DNAH12: variants seen among roughly 807,000 people sequenced by gnomAD.
DNAH12 encodes the protein axonemal beta dynein heavy chain 12.
Under a neutral mutation model 371.5 loss-of-function variants are expected in DNAH12, and 285 were observed. The ratio of observed to expected loss-of-function variants is 0.77; its 90% CI spans 0.70 to 0.85. The LOEUF (loss-of-function observed/expected upper bound fraction) is 0.85, where lower values mean the gene tolerates loss of function less well. Among genes scored for constraint, DNAH12 ranks in the 40% least tolerant of loss-of-function variants. DNAH12 has a pLI of 0.00. For missense variants in DNAH12, 3,611 were observed against 3,689.4 expected, an observed-to-expected ratio of 0.98 and a Z score of 0.55; for synonymous variants, 1,200 against 1,213.0, an observed-to-expected ratio of 0.99 and a Z score of 0.22.
intron 43 of DNAH12, among the ~76,000 whole-genome samples, chr3:57,394,885 A>T (rs1049741114): frequency 1.1e-3 from 170 of 152,320 alleles, no homozygotes; most frequent in African/African-American, 4.0e-3. Context: ...ACTGCAACCC[A>T]AATTCCTAAT....
In DNAH12 at chr3:57,364,063, T is replaced by C. The variant is rs2062995250; in HGVS notation, c.9168-277A>G. Reference sequence around the variant, plus strand: ...ATAGCTGGTATGCAAGAGTAAGAACTGGAGAAGAAACTCAAAGTATGAACT... The same window carrying C: ...ATAGCTGGTATGCAAGAGTAAGAACCGGAGAAGAAACTCAAAGTATGAACT... On this transcript the variant is annotated intron_variant, in intron 57 of 73. Transcript: ENST00000495027. Among the ~76,000 whole-genome samples the C allele has an allele frequency of 1.3e-5, 2 of 152,170 alleles. 1 individual carries two copies. The highest frequency in any genetic ancestry group is 4.1e-4 in the South Asian group (2 of 4,830).
intron 42 of DNAH12, among the ~76,000 whole-genome samples, chr3:57,404,362 T>C (rs1484221910): frequency 1.3e-5 from 2 of 152,086 alleles, no homozygotes; most frequent in African/African-American, 4.8e-5. Context: ...TTTTAAAATA[T>C]GCAAAATAAG....
At chr3:57,294,938 T>C (rs1195277204) in intron 73 of DNAH12, among the ~76,000 whole-genome samples, 2 of 152,226 alleles carry the variant, frequency 1.3e-5, no homozygotes, top group East Asian at 1.9e-4. Context: ...AAATTGTTGT[T>C]ATTTAAGAAT....
intron 2 of DNAH12, among the ~76,000 whole-genome samples, chr3:57,527,359 A>T (rs974448847): frequency 9.2e-5 from 14 of 152,328 alleles, no homozygotes; most frequent in East Asian, 3.9e-4. Context: ...GAAATTTTTT[A>T]AAAAGAGAGA....
Position 57,468,723 on chromosome 3 carries a change from T to A in DNAH12, c.2349+13A>T. On this transcript the variant is annotated intron_variant, in intron 17 of 73. Transcript: ENST00000495027. ...TAGCTATAATATTAAAATGTTATTA[T>A]ATATATTTATACCTTAAAAGCTTTT... 7.5e-7 allele frequency: 1 copy of A among 1,331,144 alleles called. No individual in the cohort carries two copies. 82.5% of individuals were successfully genotyped at this position (1,331,144 alleles called of 1,614,324 possible). A position where few individuals can be genotyped will look rare whatever the true frequency, so the allele number is the denominator to read the frequency against.
At chr3:57,402,749 G>T (rs1553679378) in intron 43 of DNAH12, among the ~76,000 whole-genome samples, 1 of 152,144 alleles carries the variant, frequency 6.6e-6, no homozygotes, top group Non-Finnish European at 1.5e-5. Context: ...GTTAGAAGAA[G>T]TTCCAGTGTT....
At chr3:57,480,190 G>A (rs36148259) in intron 13 of DNAH12, among the ~76,000 whole-genome samples, 63,809 of 151,110 alleles carry the variant, frequency 0.42, 14,962 homozygotes, top group South Asian at 0.58. Context: ...TAATAAAGAA[G>A]AAAAGAGAGA....
rs1255694696 is a variant in DNAH12, at chr3:57,431,187, A to G, written c.4981-1413T>C. 3.3e-5 allele frequency among the ~76,000 whole-genome samples: 5 copies of G among 151,726 alleles called. No homozygotes were observed. In the South Asian group the frequency reaches 6.2e-4, roughly 19 times the overall value. ...CCTCACTGCCCTGTGTTGTTTCCCA[A>G]CTACTTCTATTCCACCCCCAGTGAC... is the stretch of plus-strand genomic sequence containing the variant. On this transcript the variant is annotated intron_variant, in intron 32 of 73. Coordinates refer to ENST00000495027, the MANE Select transcript of DNAH12 (RefSeq NM_001366028.2).
intron 25 of DNAH12, among the ~76,000 whole-genome samples, chr3:57,448,610 G>T (rs572420648): frequency 1.3e-5 from 2 of 152,214 alleles, no homozygotes; most frequent in African/African-American, 4.8e-5. Context: ...AATAGAACCC[G>T]ACCATGTTGC....
intron 55 of DNAH12, among the ~76,000 whole-genome samples, chr3:57,372,652 T>G (rs1284940868): frequency 6.6e-6 from 1 of 151,850 alleles, no homozygotes; most frequent in Non-Finnish European, 1.5e-5. Context: ...AGTAAAGAAC[T>G]AGAGATGGAT....
intron 43 of DNAH12, among the ~76,000 whole-genome samples, chr3:57,397,242 T>A (rs2063761245): frequency 6.6e-6 from 1 of 152,114 alleles, no homozygotes; most frequent in South Asian, 2.1e-4. Flanking sequence ...CACAATTACC[T>A]TTGTAAGGAC....
chr3:57,324,308 C>T (rs545530231), intron 62 of DNAH12, among the ~76,000 whole-genome samples: 52 of 152,180 alleles, frequency 3.4e-4, no homozygotes, highest in Non-Finnish European at 5.3e-4. Flanking sequence ...TTCATTTATA[C>T]GCTAATACTC....
intron 59 of DNAH12, among the ~76,000 whole-genome samples, chr3:57,356,711 CT>C (rs1282456676): frequency 3.3e-5 from 5 of 151,812 alleles, no homozygotes; most frequent in Non-Finnish European, 7.4e-5. Context: ...TCTTTCATGT[CT>C]TTTTTTCTTT....
At chr3:57,366,436 T>C (rs1165377285) in intron 57 of DNAH12, among the ~76,000 whole-genome samples, 1 of 152,166 alleles carries the variant, frequency 6.6e-6, no homozygotes, top group Non-Finnish European at 1.5e-5. Flanking sequence ...GGACTCGCCC[T>C]GAATTCTTTC....
intron 62 of DNAH12, among the ~76,000 whole-genome samples, chr3:57,325,744 A>T (rs1028801767): frequency 6.6e-6 from 1 of 152,238 alleles, no homozygotes; most frequent in African/African-American, 2.4e-5. Flanking sequence ...GAGTTGAGAG[A>T]AGAAGGCTTC....
intron 34 of DNAH12, among the ~76,000 whole-genome samples, chr3:57,427,105 A>G (rs2064795340): frequency 9.0e-6 from 1 of 110,526 alleles, no homozygotes; most frequent in African/African-American, 4.3e-5. Context: ...TCCCCTCTGT[A>G]TATCAATATA....
intron 1 of DNAH12, among the ~76,000 whole-genome samples, chr3:57,543,929 C>A (rs938662286): frequency 6.6e-6 from 1 of 151,950 alleles, no homozygotes; most frequent in Non-Finnish European, 1.5e-5. Context: ...CGCCTGTAAT[C>A]CCAGCTACTC....
At position 57,470,450 on chromosome 3, in the gene DNAH12, C is replaced by T; in HGVS notation, c.2098G>A (p.Glu700Lys). The T allele has an allele frequency of 6.6e-7, 1 of 1,507,800 alleles. No homozygotes were observed. The highest frequency in any genetic ancestry group is 2.4e-5 in the Admixed American group (1 of 40,906). 93.4% of individuals were successfully genotyped at this position (1,507,800 alleles called of 1,614,324 possible). ...TACATTACCAGCAATTACCGTTTTT[C>T]TGATCGCTGCCACTTCAAAACAAAA... is the stretch of plus-strand genomic sequence containing the variant. ...FNFVLKWQRS[E>K]KRWMDGGFLD... The change falls in exon 16 of 74, where the codon GAA becomes AAA. Residue 700 changes from glutamate to lysine, a missense_variant. Physicochemically the swap from Glu to Lys is moderately conservative, Grantham distance 56. Transcript: ENST00000495027.
intron 11 of DNAH12, among the ~76,000 whole-genome samples, chr3:57,491,713 A>C (rs2153386093): frequency 6.6e-6 from 1 of 152,192 alleles, no homozygotes; most frequent in East Asian, 1.9e-4. Context: ...AGACAGGAGG[A>C]TTGCTTGAAG....
Sources: allele counts gnomAD v4.1 joint callset (sites outside exome capture counted in the v4.1 genomes callset), GRCh38; gene constraint gnomAD v4.1.1; transcripts MANE v1.5; gene names NCBI Gene and HGNC (gene_info 2026-07-23, HGNC 2026-07-21).